Variants in PPP2R5A observed in about 807,000 individuals in gnomAD.
The protein encoded by PPP2R5A is serine/threonine-protein phosphatase 2A 56 kDa regulatory subunit alpha isoform.
A neutral mutation model predicts 64.2 loss-of-function variants in PPP2R5A; 25 were observed. That is an observed-to-expected ratio of 0.39 (90% CI 0.28 to 0.54). The LOEUF (loss-of-function observed/expected upper bound fraction) is 0.54, where lower values mean the gene tolerates loss of function less well. PPP2R5A is among the 20% of genes least tolerant of loss of function. The pLI is 0.67. For synonymous variants in PPP2R5A, 198 were observed against 201.2 expected, an observed-to-expected ratio of 0.98 and a Z score of 0.13; for missense variants, 425 against 576.3, an observed-to-expected ratio of 0.74 and a Z score of 2.69.
intron 3 of PPP2R5A, among the ~76,000 whole-genome samples, chr1:212,335,336 A>G (rs764729512): frequency 3.9e-5 from 6 of 152,024 alleles, no homozygotes; most frequent in Admixed American, 3.3e-4. Context: ...TTAGCCAGGC[A>G]TGGTGGCACA....
At chr1:212,300,509 C>G (rs760466190) in intron 1 of PPP2R5A, among the ~76,000 whole-genome samples, 3 of 152,086 alleles carry the variant, frequency 2.0e-5, no homozygotes, top group Non-Finnish European at 2.9e-5. Flanking sequence ...AAAGGAGAAT[C>G]TTAACAATGG....
intron 5 of PPP2R5A, among the ~76,000 whole-genome samples, chr1:212,346,615 A>T (rs1659781174): frequency 6.6e-6 from 1 of 152,176 alleles, no homozygotes; most frequent in African/African-American, 2.4e-5. Context: ...GGTTGAATGC[A>T]CAGATAATGA....
At position 212,358,796 on chromosome 1, in the gene PPP2R5A, T is replaced by C. The variant is rs756217406; in HGVS notation, c.1328+9T>C. The C allele has an allele frequency of 6.3e-7, 1 of 1,594,826 alleles. No individual in the cohort carries two copies. Among genetic ancestry groups the C allele is most frequent in the East Asian group, 2.2e-5 (1 of 44,642 alleles). On this transcript the variant is annotated intron_variant, in intron 12 of 12. Transcript: ENST00000261461. The stretch of plus-strand genomic sequence containing the variant: ...AAAGCTGAAAGACAGAGGTATTTGA[T>C]ATTTTGAATTACAAAATTATCTATA...
chr1:212,302,790 G>A (rs903484580), intron 1 of PPP2R5A, among the ~76,000 whole-genome samples: 5 of 151,982 alleles, frequency 3.3e-5, no homozygotes, highest in Admixed American at 6.6e-5. Flanking sequence ...TTTACTTTCC[G>A]TCTCTAGATT....
chr1:212,289,103 A>C (rs1228461606), intron 1 of PPP2R5A, among the ~76,000 whole-genome samples: 1 of 152,210 alleles, frequency 6.6e-6, no homozygotes, highest in Non-Finnish European at 1.5e-5. Context: ...AGTCTAACCT[A>C]TTTTGTTTAA....
chr1:212,336,010 T>G (rs1325283241), intron 3 of PPP2R5A, among the ~76,000 whole-genome samples: 1 of 152,248 alleles, frequency 6.6e-6, no homozygotes, highest in Non-Finnish European at 1.5e-5. Flanking sequence ...CTTTCCATTT[T>G]TAACTGGTAT....
At chr1:212,309,836 T>C (rs986955641) in intron 1 of PPP2R5A, among the ~76,000 whole-genome samples, 1 of 151,778 alleles carries the variant, frequency 6.6e-6, no homozygotes, top group East Asian at 1.9e-4. Flanking sequence ...AAAAAAAAAG[T>C]TCATGCATAA....
chr1:212,288,124 C>A (rs904962415), intron 1 of PPP2R5A, among the ~76,000 whole-genome samples: 75 of 152,228 alleles, frequency 4.9e-4, no homozygotes, highest in African/African-American at 1.8e-3. Flanking sequence ...TCAAACAATT[C>A]TTCTGCCTCA....
rs1488603284 is a variant in PPP2R5A at position 212,360,739 on chromosome 1, A to C, written c.1430A>C (p.His477Pro). The C allele has an allele frequency of 3.2e-6, 5 of 1,583,972 alleles. No individual in the cohort carries two copies. The South Asian group carries it at 3.6e-5, about 11-fold the overall frequency. The change falls in exon 13 of 13, where the codon CAC (histidine) becomes CCC (proline). Residue 477 changes from histidine (H) to proline (P), a missense_variant. Transcript: ENST00000261461. ...LEKQNSAYNM[H>P]SILSNTSAE The stretch of plus-strand genomic sequence containing the variant: ...AAACAGAATAGTGCTTACAACATGC[A>C]CAGTATTCTCAGCAATACAAGTGCC...
At chr1:212,292,405 A>G (rs1379281988) in intron 1 of PPP2R5A, among the ~76,000 whole-genome samples, 3 of 152,198 alleles carry the variant, frequency 2.0e-5, no homozygotes, top group Non-Finnish European at 4.4e-5. Context: ...TTATGGTACC[A>G]AATACAGTAT....
intron 5 of PPP2R5A, 113 bp downstream of exon 5, chr1:212,346,046 G>T (rs1171749980): frequency 1.9e-6 from 2 of 1,065,648 alleles, no homozygotes; most frequent in Non-Finnish European, 2.6e-6. Flanking sequence ...CTGTCATCCA[G>T]GCTGGAGTGC....
intron 8 of PPP2R5A, chr1:212,352,820 G>C (rs979681750): frequency 1.9e-6 from 1 of 518,904 alleles, no homozygotes; most frequent in African/African-American, 1.9e-5. Context: ...AGCATTTATG[G>C]CCTTTATCAA....
At chr1:212,294,686 G>A (rs1658661717) in intron 1 of PPP2R5A, among the ~76,000 whole-genome samples, 1 of 152,170 alleles carries the variant, frequency 6.6e-6, no homozygotes, top group African/African-American at 2.4e-5. Context: ...TAAATTTAAT[G>A]TCTTTAGGAG....
chr1:212,306,757 A>T (rs1467056740), intron 1 of PPP2R5A: 3 of 147,210 alleles, frequency 2.0e-5, no homozygotes, highest in Non-Finnish European at 3.0e-5. Context: ...TTATTTATTT[A>T]TTTATTTATT....
rs746596004 is a variant in PPP2R5A at position 212,329,309 on chromosome 1, C to T, written c.356C>T (p.Ala119Val). Reference protein sequence around the residue: ...STNRGVIVESAYSDIVKMISA... With the variant: ...STNRGVIVESVYSDIVKMISA... ...AATCGTGGTGTAATTGTTGAATCAGCGTATTCTGATATAGTAAAAATGGTA... is the reference window on the plus strand; with the variant it reads ...AATCGTGGTGTAATTGTTGAATCAGTGTATTCTGATATAGTAAAAATGGTA... Residue 119 changes from alanine to valine, a missense_variant, in exon 2 of 13, where the codon GCG becomes GTG. By Grantham distance (64) the Ala-to-Val change is moderately conservative. Coordinates refer to ENST00000261461, the MANE Select transcript of PPP2R5A (RefSeq NM_006243.4). 4 of 1,600,366 alleles carry T rather than the reference C, an allele frequency of 2.5e-6. No individual in the cohort carries two copies. The highest frequency in any genetic ancestry group is 3.4e-6 in the Non-Finnish European group (4 of 1,175,042).
In PPP2R5A at chr1:212,323,869, C is replaced by A. The variant is rs192246045; in HGVS notation, c.182-5266C>A. The stretch of plus-strand genomic sequence containing the variant: ...TGGGTGGATCACGAGGTCAGGAGAT[C>A]GAGACCAGCCTGACCAACATGGTGA... On this transcript the variant is annotated intron_variant, in intron 1 of 12. Transcript: ENST00000261461. Among the ~76,000 whole-genome samples, 138 of 152,088 alleles carry A rather than the reference C, an allele frequency of 9.1e-4. 2 individuals carry two copies. Among genetic ancestry groups the A allele is most frequent in the Non-Finnish European group, 1.8e-3 (121 of 68,010 alleles).
rs921538644 is a variant in PPP2R5A, at chr1:212,321,917, C to T, written c.182-7218C>T. Among the ~76,000 whole-genome samples the T allele has an allele frequency of 8.6e-5, 13 of 151,442 alleles. No homozygotes were observed. In the East Asian group the frequency reaches 1.9e-3, roughly 23 times the overall value. On this transcript the variant is annotated intron_variant, in intron 1 of 12. Transcript: ENST00000261461. ...GGCACCATTGAGCACTGAGTGAACG[C>T]GACTCCGTCTGCCATCCCGGCACCT... is the stretch of plus-strand genomic sequence containing the variant.
chr1:212,346,111 CCT>C (rs1659772137), intron 5 of PPP2R5A, among the ~76,000 whole-genome samples, 178 bp downstream of exon 5: 1 of 152,028 alleles, frequency 6.6e-6, no homozygotes, highest in Non-Finnish European at 1.5e-5. Flanking sequence ...AAGCAATCTT[CCT>C]CTCTCAGCCT....
chr1:212,304,288 C>T (rs1571578835), intron 1 of PPP2R5A, among the ~76,000 whole-genome samples: 1 of 152,120 alleles, frequency 6.6e-6, no homozygotes, highest in Admixed American at 6.6e-5. Context: ...TGCGGTGGCT[C>T]TCCTATAATG....
Sources: allele counts gnomAD v4.1 joint callset (sites outside exome capture counted in the v4.1 genomes callset), GRCh38; gene constraint gnomAD v4.1.1; transcripts MANE v1.5; gene names NCBI Gene and HGNC (gene_info 2026-07-23, HGNC 2026-07-21).